EVC: variants seen among roughly 807,000 people sequenced by gnomAD.
EVC encodes evC complex member EVC.
Under a neutral mutation model 118.9 loss-of-function variants are expected in EVC, and 116 were observed. The observed-to-expected ratio is 0.98, with a 90% CI of 0.84 to 1.14. The LOEUF is 1.14. Among genes scored for constraint, EVC ranks in the 50% most tolerant of loss-of-function variants. The probability of loss-of-function intolerance (pLI) is 0.00; values close to 1 mark genes in which losing one functional copy is unlikely to be tolerated. For missense variants in EVC, 1,401 were observed against 1,246.4 expected (o/e 1.12, Z -1.87); for synonymous variants, 619 against 534.7 (o/e 1.16, Z -2.18).
rs113726930 is a variant in EVC, at chr4:5,731,674, A to G, written c.617+17A>G. On this transcript the variant is annotated intron_variant, in intron 4 of 20. Coordinates refer to ENST00000264956, the MANE Select transcript of EVC (RefSeq NM_153717.3). The surrounding 1 kb of genome is among the most constrained non-coding windows in gnomAD (Gnocchi z 5.6). Reference sequence around the variant, plus strand: ...CTGCGAGAGGTAAGGAGAGCGGGCAATGGAGGATGAGGCTTCCAGTCCTCT... The same window carrying G: ...CTGCGAGAGGTAAGGAGAGCGGGCAGTGGAGGATGAGGCTTCCAGTCCTCT... The G allele has an allele frequency of 6.8e-5, 110 of 1,607,600 alleles. 1 individual carries two copies. In the Middle Eastern group the frequency reaches 1.3e-3, roughly 19 times the overall value.
chr4:5,793,069 G>A (rs1305997187), intron 12 of EVC, among the ~76,000 whole-genome samples: 14 of 152,112 alleles, frequency 9.2e-5, no homozygotes, highest in East Asian at 1.9e-4. Context: ...GAAAGGAAAA[G>A]CAACCAAGAA....
Position 5,719,222 on chromosome 4 carries a change from C to G in EVC, c.175-26C>G, listed in dbSNP as rs1724510968. ...CCTCAATGTTGTGTTTCTATCCACC[C>G]CCAACTCCTGACCTTCGGGTTTTAG... On this transcript the variant is annotated intron_variant, in intron 1 of 20. Coordinates refer to ENST00000264956, the MANE Select transcript of EVC (RefSeq NM_153717.3). This position sits in a 1 kb window ranked among gnomAD's most constrained non-coding sequence, Gnocchi z 4.7. 1 of 1,613,944 alleles carries G rather than the reference C, an allele frequency of 6.2e-7. No homozygotes were observed. The highest frequency in any genetic ancestry group is 1.3e-5 in the African/African-American group (1 of 74,928).
intron 18 of EVC, among the ~76,000 whole-genome samples, chr4:5,808,732 A>G (rs1203776890): frequency 1.3e-5 from 2 of 152,260 alleles, no homozygotes; most frequent in African/African-American, 2.4e-5. Context: ...TACAGCAAAC[A>G]GGAAGCTCAG....
chr4:5,753,086 C>T (rs1351748110), intron 9 of EVC, 34 bp downstream of exon 9: 17 of 1,540,828 alleles, frequency 1.1e-5, no homozygotes, highest in Non-Finnish European at 1.1e-5. Flanking sequence ...CCGTCCACAA[C>T]ACTGGCCTTC....
In EVC at chr4:5,734,085, A is replaced by G. The variant is rs991955969; in HGVS notation, c.702+650A>G. On this transcript the variant is annotated intron_variant, in intron 5 of 20. Transcript: ENST00000264956. ...GATGCACCTGGCCTCTGATTGAATCAGCCACGGACCTGAGCTATGGGAAGC... is the reference window on the plus strand; with the variant it reads ...GATGCACCTGGCCTCTGATTGAATCGGCCACGGACCTGAGCTATGGGAAGC... Among the ~76,000 whole-genome samples the G allele has an allele frequency of 2.0e-5, 3 of 152,218 alleles. No individual in the cohort carries two copies. In the South Asian group the frequency reaches 6.2e-4, roughly 31 times the overall value.
chr4:5,735,836 C>A (rs373312584), intron 5 of EVC, among the ~76,000 whole-genome samples: 5 of 152,130 alleles, frequency 3.3e-5, no homozygotes, highest in South Asian at 2.1e-4. Context: ...TGATTGGCAC[C>A]GCCCTGAAAG....
intron 12 of EVC, among the ~76,000 whole-genome samples, chr4:5,787,095 T>G (rs546573824): frequency 6.6e-6 from 1 of 152,302 alleles, no homozygotes; most frequent in Admixed American, 6.5e-5. Context: ...TCGTTTCATA[T>G]CCCATTGCTC....
In EVC at chr4:5,737,304, AC is replaced by A. The variant is rs1301339812; in HGVS notation, c.702+3870del. On this transcript the variant is annotated intron_variant, in intron 5 of 20. Transcript: ENST00000264956. The surrounding 1 kb of genome is among the most constrained non-coding windows in gnomAD (Gnocchi z 5.0). ...AAGAAAGAAGCTGTCTCCAGAACAA[AC>A]AAAAGTGCAAGGTGAAGCAGCAGCA... Among the ~76,000 whole-genome samples, 2 of 152,246 alleles carry A rather than the reference AC, an allele frequency of 1.3e-5. No individual in the cohort carries two copies. Among genetic ancestry groups the A allele is most frequent in the Non-Finnish European group, 2.9e-5 (2 of 68,046 alleles).
intron 9 of EVC, 76 bp downstream of exon 9, chr4:5,753,128 G>C: frequency 7.5e-7 from 1 of 1,340,814 alleles, no homozygotes; most frequent in Non-Finnish European, 1.0e-6. Context: ...TGAGAGGGCT[G>C]GCAGCCTGGG....
chr4:5,783,742 A>G lies in EVC; in HGVS notation c.1754A>G (p.Glu585Gly), dbSNP rs573432745. The G allele has an allele frequency of 6.2e-7, 1 of 1,612,830 alleles. No individual in the cohort carries two copies. Among genetic ancestry groups the G allele is most frequent in the African/African-American group, 1.3e-5 (1 of 74,896 alleles). ...AGGCAGCAGTGGAAACTCTTCCAGG[A>G]GCTCCTAGAGCAAGACCAGCAGGTG... ...FRRQQWKLFQ[E>G]LLEQDQQVWM... Residue 585 changes from glutamate to glycine, a missense_variant, in exon 12 of 21, where the codon GAG becomes GGG. Physicochemically the swap from Glu to Gly is moderately conservative, Grantham distance 98. Transcript: ENST00000264956.
At chr4:5,773,433 G>A (rs925776823) in intron 11 of EVC, among the ~76,000 whole-genome samples, 1 of 152,096 alleles carries the variant, frequency 6.6e-6, no homozygotes. Context: ...CATAGCAATA[G>A]CTGAGGTCTA....
chr4:5,756,827 G>A lies in EVC; in HGVS notation c.1563+465G>A, dbSNP rs1731255537. On this transcript the variant is annotated intron_variant, in intron 11 of 20. Transcript: ENST00000264956. The surrounding 1 kb of genome is among the most constrained non-coding windows in gnomAD (Gnocchi z 4.2). ...GAAGCTGGCCATGCTTGCCCTGCAG[G>A]GTGACTTTCAGAGAGCAGGAGAGGG... is the stretch of plus-strand genomic sequence containing the variant. Among the ~76,000 whole-genome samples the A allele has an allele frequency of 6.6e-6, 1 of 152,144 alleles. No individual in the cohort carries two copies. Among genetic ancestry groups the A allele is most frequent in the African/African-American group, 2.4e-5 (1 of 41,434 alleles).
At chr4:5,729,468 T>A in intron 3 of EVC, 78 bp downstream of exon 3, 1 of 1,352,532 alleles carries the variant, frequency 7.4e-7, no homozygotes, top group Non-Finnish European at 1.1e-6. Context: ...GTGGGGGGAT[T>A]AACTGTGTGA....
downstream of EVC, among the ~76,000 whole-genome samples, chr4:5,815,194 C>G (rs922817178): frequency 3.9e-5 from 6 of 151,972 alleles, no homozygotes; most frequent in African/African-American, 1.2e-4. Flanking sequence ...GAACCCGTGG[C>G]TAAGCCCACT....
At chr4:5,717,340 A>G (rs1172982633) in intron 1 of EVC, among the ~76,000 whole-genome samples, 1 of 151,924 alleles carries the variant, frequency 6.6e-6, no homozygotes, top group Non-Finnish European at 1.5e-5. Flanking sequence ...ATTTGTTTAA[A>G]GTTTTTTTTC....
At chr4:5,827,662 GCA>G in the EVC span, among the ~76,000 whole-genome samples, 2 of 151,508 alleles carry the variant, frequency 1.3e-5, no homozygotes, top group Non-Finnish European at 2.9e-5. Context: ...ATCCCCATAT[GCA>G]CACATACACA....
chr4:5,785,835 GA>G (rs1736335042), intron 12 of EVC, among the ~76,000 whole-genome samples: 2 of 152,232 alleles, frequency 1.3e-5, no homozygotes, highest in African/African-American at 4.8e-5. Context: ...GGATCTAAAT[GA>G]AGCTGAATTC....
At chr4:5,727,021 G>A (rs1331283463) in intron 2 of EVC, among the ~76,000 whole-genome samples, 9 of 152,010 alleles carry the variant, frequency 5.9e-5, no homozygotes, top group Admixed American at 1.3e-4. Context: ...GAATAGTGCC[G>A]CAATAAATAT....
intron 11 of EVC, among the ~76,000 whole-genome samples, chr4:5,759,034 G>A (rs144838868): frequency 3.6e-4 from 54 of 150,488 alleles, no homozygotes; most frequent in Middle Eastern, 6.8e-3. Context: ...TCATAAGGGC[G>A]TGGGAAGAAG....
Sources: allele counts gnomAD v4.1 joint callset (sites outside exome capture counted in the v4.1 genomes callset), GRCh38; gene constraint gnomAD v4.1.1; non-coding constraint Gnocchi (gnomAD v3.1); transcripts MANE v1.5; gene names NCBI Gene and HGNC (gene_info 2026-07-23, HGNC 2026-07-21).